PLEKHA7: variants seen among roughly 807,000 people sequenced by gnomAD.
PLEKHA7 encodes the protein pleckstrin homology domain containing A7.
In PLEKHA7, 104 loss-of-function variants were observed where a neutral mutation model predicts 170.0. The ratio of observed to expected loss-of-function variants is 0.61; its 90% confidence interval spans 0.52 to 0.72. PLEKHA7 has a LOEUF of 0.72. Ranked by LOEUF, PLEKHA7 falls within the 30% of genes least tolerant of loss-of-function variation. PLEKHA7 has a pLI of 0.00. For missense variants in PLEKHA7, 1,615 were observed against 1,671.7 expected (o/e 0.97, Z 0.59); for synonymous variants, 648 against 660.8 (o/e 0.98, Z 0.30).
intron 3 of PLEKHA7, among the ~76,000 whole-genome samples, chr11:17,002,645 T>A (rs1308085018): frequency 6.6e-6 from 1 of 152,156 alleles, no homozygotes; most frequent in Non-Finnish European, 1.5e-5. Flanking sequence ...AAATGCATTT[T>A]TCAACTAGAA....
intron 3 of PLEKHA7, among the ~76,000 whole-genome samples, chr11:16,878,903 C>T (rs957243931): frequency 1.3e-5 from 2 of 152,140 alleles, no homozygotes; most frequent in Non-Finnish European, 2.9e-5. Flanking sequence ...ACCAACATGC[C>T]AAGAACACTT....
chr11:16,902,487 G>A (rs761045863), intron 3 of PLEKHA7, among the ~76,000 whole-genome samples: 16 of 152,134 alleles, frequency 1.1e-4, no homozygotes, highest in African/African-American at 2.9e-4. Context: ...ACTTCTCTAC[G>A]CCCTCACCAG....
chr11:16,866,055 T>C (rs1854366148), intron 4 of PLEKHA7, among the ~76,000 whole-genome samples: 1 of 151,604 alleles, frequency 6.6e-6, no homozygotes, highest in African/African-American at 2.4e-5. Context: ...GGCAGGGTGG[T>C]CTCGATCTCC....
At chr11:16,795,294 C>G in intron 17 of PLEKHA7, 1 of 410,966 alleles carries the variant, frequency 2.4e-6, no homozygotes. Flanking sequence ...TGTGCCATTC[C>G]GCTAAAATAC....
chr11:16,841,767 C>A, intron 8 of PLEKHA7, 45 bp from the exon 9 acceptor site: 2 of 1,587,552 alleles, frequency 1.3e-6, no homozygotes, highest in Non-Finnish European at 8.6e-7. Flanking sequence ...GGTTATCACA[C>A]ATTTCCTTTA....
At chr11:16,874,689 C>A (rs911757853) in intron 3 of PLEKHA7, among the ~76,000 whole-genome samples, 50 of 152,332 alleles carry the variant, frequency 3.3e-4, no homozygotes, top group Non-Finnish European at 5.6e-4. Flanking sequence ...AGCCCAGCTG[C>A]CACTCCCTCT....
At chr11:16,966,498 G>A (rs1862383470) in intron 3 of PLEKHA7, among the ~76,000 whole-genome samples, 1 of 152,052 alleles carries the variant, frequency 6.6e-6, no homozygotes, top group South Asian at 2.1e-4. Flanking sequence ...CTAGGGTACT[G>A]GGAAGAGCAA....
At chr11:16,855,144 C>A (rs1402999148) in intron 5 of PLEKHA7, 151 bp from the exon 6 acceptor site, 2 of 642,654 alleles carry the variant, frequency 3.1e-6, no homozygotes, top group South Asian at 3.8e-5. Flanking sequence ...AGGGAACGGG[C>A]GTGCACATGG....
chr11:17,005,638 A>ATC (rs1255994674), intron 3 of PLEKHA7, among the ~76,000 whole-genome samples: 1 of 152,200 alleles, frequency 6.6e-6, no homozygotes, highest in East Asian at 1.9e-4. Context: ...CCAACCCAGC[A>ATC]TCTGTCCTAT....
intron 3 of PLEKHA7, among the ~76,000 whole-genome samples, chr11:16,947,915 C>CAAAAAAAAA (rs756124686): frequency 5.5e-4 from 36 of 65,558 alleles, no homozygotes; most frequent in East Asian, 1.2e-3. Context: ...GACTCCGTCT[C>CAAAAAAAAA]AAAAAAAAAA....
At chr11:16,793,946 GCT>G (rs145324328) in intron 19 of PLEKHA7, among the ~76,000 whole-genome samples, 11,425 of 152,232 alleles carry the variant, frequency 0.075, 572 homozygotes, top group Non-Finnish European at 0.1. Context: ...AACAATTTAG[GCT>G]CTTAGTTTTC....
rs1231083280 is a variant in PLEKHA7, at chr11:16,988,724, G to T, written c.221+25265C>A. 2.0e-5 allele frequency among the ~76,000 whole-genome samples: 3 copies of T among 152,226 alleles called. No homozygotes were observed. In the East Asian group the frequency reaches 5.8e-4, roughly 29 times the overall value. ...GCCTCCCAAGGTGCTGGGATTATGGGCATGAGCCACCGCATCCAGCCCATC... is the reference window on the plus strand; with the variant it reads ...GCCTCCCAAGGTGCTGGGATTATGGTCATGAGCCACCGCATCCAGCCCATC... On this transcript the variant is annotated intron_variant, in intron 3 of 26. Transcript: ENST00000531066.
intron 3 of PLEKHA7, among the ~76,000 whole-genome samples, chr11:16,947,362 G>A (rs1391647009): frequency 3.3e-5 from 5 of 151,966 alleles, no homozygotes; most frequent in South Asian, 2.1e-4. Context: ...AGGGCAAGGC[G>A]GGCAGATCAC....
At chr11:16,824,355 C>T (rs1850470501) in intron 10 of PLEKHA7, among the ~76,000 whole-genome samples, 1 of 152,118 alleles carries the variant, frequency 6.6e-6, no homozygotes, top group Non-Finnish European at 1.5e-5. Flanking sequence ...AGCAAGATTA[C>T]ATCTTTATTT....
chr11:16,930,417 G>C (rs904227369), intron 3 of PLEKHA7, among the ~76,000 whole-genome samples: 2 of 152,144 alleles, frequency 1.3e-5, no homozygotes, highest in African/African-American at 4.8e-5. Context: ...CTTCACTCCA[G>C]CCTGAGCAAC....
chr11:16,838,286 T>C (rs1012381140), intron 9 of PLEKHA7, among the ~76,000 whole-genome samples: 3 of 151,984 alleles, frequency 2.0e-5, no homozygotes, highest in Non-Finnish European at 2.9e-5. Flanking sequence ...GCTAGGAGGA[T>C]TGCTTGAGGC....
chr11:16,967,922 A>T (rs1862472174), intron 3 of PLEKHA7, among the ~76,000 whole-genome samples: 2 of 152,202 alleles, frequency 1.3e-5, no homozygotes, highest in African/African-American at 4.8e-5. Flanking sequence ...AAGATAAGGA[A>T]GTCATTTCCT....
intron 13 of PLEKHA7, among the ~76,000 whole-genome samples, chr11:16,810,088 A>T (rs1023929023): frequency 6.6e-6 from 1 of 152,250 alleles, no homozygotes; most frequent in African/African-American, 2.4e-5. Flanking sequence ...TCTGACACAC[A>T]CGGAAAGTAG....
Position 16,852,359 on chromosome 11 carries a change from C to T in PLEKHA7, c.523-4G>A. 6.2e-7 allele frequency: 1 copy of T among 1,613,518 alleles called. No individual in the cohort carries two copies. Among genetic ancestry groups the T allele is most frequent in the South Asian group, 1.1e-5 (1 of 90,952 alleles). Reference sequence around the variant, plus strand: ...ACAGCCTCATCCCAGAACTGTCCTGCAAAGCAAAGAAAACTAGTCAGGGTA... The same window carrying T: ...ACAGCCTCATCCCAGAACTGTCCTGTAAAGCAAAGAAAACTAGTCAGGGTA... On this transcript the variant is annotated splice_region_variant and splice_polypyrimidine_tract_variant and intron_variant, in intron 6 of 26. Coordinates refer to ENST00000531066, the MANE Select transcript of PLEKHA7 (RefSeq NM_001329630.2).
Sources: gnomAD v4.1 joint callset for allele counts (sites outside exome capture counted in the v4.1 genomes callset) on GRCh38, gnomAD v4.1.1 for gene constraint, MANE v1.5 for transcripts, NCBI Gene and HGNC (gene_info 2026-07-23, HGNC 2026-07-21) for gene names.